The following SLC25A18 variants were observed in gnomAD, a reference collection of about 807,000 sequenced individuals.
SLC25A18 encodes the protein solute carrier family 25 member 18.
Under a neutral mutation model 31.1 loss-of-function variants are expected in SLC25A18, and 24 were observed. The ratio of observed to expected loss-of-function variants is 0.77; its 90% CI spans 0.56 to 1.08. The LOEUF (loss-of-function observed/expected upper bound fraction) is 1.08, where lower values mean the gene tolerates loss of function less well. Among genes scored for constraint, SLC25A18 ranks in the 50% least tolerant of loss-of-function variants. The pLI is 0.00. For synonymous variants in SLC25A18, 173 were observed against 161.9 expected, an observed-to-expected ratio of 1.07 and a Z score of -0.52; for missense variants, 371 against 418.5, an observed-to-expected ratio of 0.89 and a Z score of 0.99.
At chr22:17,578,095 C>T (rs2057280377) in intron 2 of SLC25A18, among the ~76,000 whole-genome samples, 2 of 151,574 alleles carry the variant, frequency 1.3e-5, no homozygotes, top group Non-Finnish European at 2.9e-5. Flanking sequence ...AATAATCCTC[C>T]CATCTCAGCC....
chr22:17,590,574 A>G lies in SLC25A18; in HGVS notation c.*338A>G, dbSNP rs990562235. ...AGAAGGGTTGTTTCTGTATTTTAAC[A>G]TTTCTATTTCACAGTCAAACTCGGC... On this transcript the variant is annotated 3_prime_UTR_variant, in exon 11 of 11. Transcript: ENST00000327451. 8.0e-5 allele frequency: 17 copies of G among 211,298 alleles called. No homozygotes were observed. The highest frequency in any genetic ancestry group is 6.8e-4 in the South Asian group (6 of 8,872). The allele number at this position is 211,298 out of a possible 1,614,324, so 13.1% of individuals were successfully genotyped here.
intron 1 of SLC25A18, chr22:17,569,719 G>T: frequency 2.0e-6 from 2 of 985,402 alleles, no homozygotes; most frequent in Non-Finnish European, 2.4e-6. Context: ...CAACCTACTT[G>T]CCACCTGGGG....
At chr22:17,563,743 C>G in intron 1 of SLC25A18, 30 bp downstream of exon 1, 1 of 984,882 alleles carries the variant, frequency 1.0e-6, no homozygotes, top group Non-Finnish European at 1.2e-6. Flanking sequence ...CCACCGTGAG[C>G]CTTGTACTTT....
chr22:17,564,727 A>G (rs1434251119), intron 1 of SLC25A18, among the ~76,000 whole-genome samples: 6 of 151,848 alleles, frequency 4.0e-5, no homozygotes, highest in Non-Finnish European at 7.4e-5. Context: ...GCGTGGTAGC[A>G]GGTGTGGTAG....
intron 9 of SLC25A18, 51 bp downstream of exon 9, chr22:17,588,130 A>G (rs1391512961): frequency 6.2e-7 from 1 of 1,603,750 alleles, no homozygotes; most frequent in East Asian, 2.2e-5. Flanking sequence ...GTAATTTTGC[A>G]CTTATAGATA....
intron 5 of SLC25A18, 93 bp downstream of exon 5, chr22:17,581,506 G>A: frequency 2.1e-6 from 3 of 1,415,436 alleles, no homozygotes; most frequent in Non-Finnish European, 3.0e-6. Flanking sequence ...GCGGGGATGG[G>A]GCCAGGGCTG....
intron 1 of SLC25A18, 34 bp downstream of exon 1, chr22:17,563,747 G>C: frequency 2.0e-6 from 2 of 984,814 alleles, no homozygotes; most frequent in Non-Finnish European, 2.4e-6. Context: ...CGTGAGCCTT[G>C]TACTTTGCCT....
chr22:17,588,372 T>G (rs1454203212), intron 9 of SLC25A18: 1 of 327,772 alleles, frequency 3.1e-6, no homozygotes, highest in East Asian at 8.5e-5. Context: ...GCTGGCTGGG[T>G]GTGGTGGCTC....
At position 17,583,537 on chromosome 22, in the gene SLC25A18, G is replaced by A. The variant is rs768173021; in HGVS notation, c.409+3G>A. On this transcript the variant is annotated splice_donor_region_variant and intron_variant, in intron 7 of 10. Transcript: ENST00000327451. The stretch of plus-strand genomic sequence containing the variant: ...GCTGCAGGATGCTGGACGCCTGGGT[G>A]AGGCCTGTCCCCACCTCCTATGGGA... The A allele has an allele frequency of 1.9e-6, 3 of 1,613,308 alleles. No individual in the cohort carries two copies. Among genetic ancestry groups the A allele is most frequent in the Non-Finnish European group, 1.7e-6 (2 of 1,179,982 alleles).
intron 9 of SLC25A18, chr22:17,588,366 G>A: frequency 3.0e-6 from 1 of 337,064 alleles, no homozygotes; most frequent in Non-Finnish European, 5.4e-6. Flanking sequence ...TTTGGGGCTG[G>A]CTGGGTGTGG....
At chr22:17,589,173 GTT>G (rs142475005) in intron 9 of SLC25A18, 8 of 149,780 alleles carry the variant, frequency 5.3e-5, no homozygotes, top group South Asian at 2.0e-4. Flanking sequence ...CCTCATGACC[GTT>G]TTTTTTTTTC....
chr22:17,590,473 C>T lies in SLC25A18; in HGVS notation c.*237C>T, dbSNP rs1213697145. 1 of 437,760 alleles carries T rather than the reference C, an allele frequency of 2.3e-6. No homozygotes were observed. Among genetic ancestry groups the T allele is most frequent in the East Asian group, 3.4e-5 (1 of 29,520 alleles). The allele number at this position is 437,760 out of a possible 1,614,324, so 27.1% of individuals were successfully genotyped here. On this transcript the variant is annotated 3_prime_UTR_variant, in exon 11 of 11. Transcript: ENST00000327451. ...CACAGCTACCAGGGGCTTTTGGAAG[C>T]CCCTAACCACCTACTTTTCAACAAA...
intron 3 of SLC25A18, chr22:17,580,633 ACAGT>A (rs2057347166): frequency 1.0e-6 from 1 of 1,002,364 alleles, no homozygotes; most frequent in South Asian, 4.6e-5. Flanking sequence ...AGGAGAGGTC[ACAGT>A]CAGGATGCAA....
intron 10 of SLC25A18, 67 bp from the exon 11 acceptor site, chr22:17,590,028 G>A (rs1601359293): frequency 6.3e-7 from 1 of 1,595,550 alleles, no homozygotes; most frequent in African/African-American, 1.3e-5. Context: ...AAATGGAGAG[G>A]CTGCCACTGA....
At chr22:17,570,089 G>A in intron 2 of SLC25A18, 103 bp downstream of exon 2, 2 of 796,878 alleles carry the variant, frequency 2.5e-6, no homozygotes, top group Middle Eastern at 6.3e-4. Context: ...AGTGGGACAG[G>A]GACACTCATC....
intron 1 of SLC25A18, 24 bp downstream of exon 1, chr22:17,563,737 C>T (rs1021980371): frequency 4.1e-6 from 4 of 985,038 alleles, no homozygotes; most frequent in Non-Finnish European, 4.8e-6. Context: ...AAATACCCAC[C>T]GTGAGCCTTG....
chr22:17,582,996 G>T (rs1198390389), intron 6 of SLC25A18, among the ~76,000 whole-genome samples: 11 of 152,102 alleles, frequency 7.2e-5, no homozygotes, highest in Admixed American at 7.2e-4. Flanking sequence ...GATCGCTTGG[G>T]CCCAGGCGGT....
intron 7 of SLC25A18, chr22:17,584,225 T>C (rs1238250984): frequency 4.2e-6 from 1 of 240,912 alleles, no homozygotes; most frequent in Non-Finnish European, 6.6e-6. Flanking sequence ...AACCCCATCT[T>C]TACTAAAAAT....
chr22:17,565,317 G>A (rs1475772275), intron 1 of SLC25A18, among the ~76,000 whole-genome samples: 2 of 151,940 alleles, frequency 1.3e-5, no homozygotes, highest in East Asian at 1.9e-4. Flanking sequence ...TCCTGACCTC[G>A]TGATCCACCC....
Sources: allele counts gnomAD v4.1 joint callset (sites outside exome capture counted in the v4.1 genomes callset), GRCh38; gene constraint gnomAD v4.1.1; transcripts MANE v1.5; gene names NCBI Gene and HGNC (gene_info 2026-07-23, HGNC 2026-07-21).